The following DNAH2 variants were observed in gnomAD, a reference collection of about 807,000 sequenced individuals.
DNAH2 encodes dynein axonemal heavy chain 2.
Under a neutral mutation model 523.5 loss-of-function variants are expected in DNAH2, and 323 were observed. The observed-to-expected ratio is 0.62, with a 90% confidence interval of 0.56 to 0.68. The LOEUF is 0.68. Ranked by LOEUF, DNAH2 falls within the 30% of genes least tolerant of loss-of-function variation. DNAH2 has a pLI of 0.00. For synonymous variants in DNAH2, 2,093 were observed against 2,177.4 expected (o/e 0.96, Z 1.08); for missense variants, 4,907 against 5,701.5 (o/e 0.86, Z 4.49).
In DNAH2 at chr17:7,831,650, A is replaced by C. The variant is rs372536421; in HGVS notation, c.12612-11A>C. 1.9e-6 allele frequency: 3 copies of C among 1,613,744 alleles called. No individual in the cohort carries two copies. The highest frequency in any genetic ancestry group is 2.5e-6 in the Non-Finnish European group (3 of 1,179,844). On this transcript the variant is annotated splice_polypyrimidine_tract_variant and intron_variant, in intron 81 of 85. Transcript: ENST00000572933. The surrounding 1 kb of genome is among the most constrained non-coding windows in gnomAD (Gnocchi z 4.2). ...CACCTCATCTCTAACACTCCACCTC[A>C]TCCTGCTCAGGTTCTCACTGACAGA...
chr17:7,815,884 C>G (rs1460423989), intron 63 of DNAH2, among the ~76,000 whole-genome samples: 5 of 152,198 alleles, frequency 3.3e-5, no homozygotes, highest in Non-Finnish European at 7.3e-5. Flanking sequence ...AGGGGTTTCT[C>G]TAGTATACAC....
At position 7,770,487 on chromosome 17, in the gene DNAH2, C is replaced by T. The variant is rs930063085; in HGVS notation, c.4099-70C>T. ...GCTCCAGCTGTTCATCATCTGATGG[C>T]GCCTCTCAGCTCCTGTTCCCCTTAG... On this transcript the variant is annotated intron_variant, in intron 25 of 85. Coordinates refer to ENST00000572933, the MANE Select transcript of DNAH2 (RefSeq NM_020877.5). 178 of 1,612,120 alleles carry T rather than the reference C, an allele frequency of 1.1e-4. 1 individual carries two copies. Among genetic ancestry groups the T allele is most frequent in the Non-Finnish European group, 1.3e-4 (159 of 1,178,490 alleles).
Position 7,780,573 on chromosome 17 carries a change from G to GA in DNAH2, c.5851-55dup. ...TTCTTGTCTCTGACTGTCCTGAGAT[G>GA]AAGCAGAGGGATTTGTGGGGAGATG... On this transcript the variant is annotated intron_variant, in intron 37 of 85. Coordinates refer to ENST00000572933, the MANE Select transcript of DNAH2 (RefSeq NM_020877.5). This position sits in a 1 kb window ranked among gnomAD's most constrained non-coding sequence, Gnocchi z 4.4. The GA allele has an allele frequency of 6.2e-7, 1 of 1,602,176 alleles. No homozygotes were observed. The highest frequency in any genetic ancestry group is 8.5e-7 in the Non-Finnish European group (1 of 1,173,726).
intron 44 of DNAH2, among the ~76,000 whole-genome samples, chr17:7,790,341 G>T (rs937429612): frequency 1.3e-5 from 2 of 151,568 alleles, no homozygotes; most frequent in African/African-American, 4.8e-5. Context: ...CAATTCTCCT[G>T]TCTCCTGAGT....
At chr17:7,747,562 C>G (rs138371391) in intron 12 of DNAH2, among the ~76,000 whole-genome samples, 29 of 152,268 alleles carry the variant, frequency 1.9e-4, no homozygotes, top group African/African-American at 6.7e-4. Flanking sequence ...TTAGGATAAA[C>G]CAGGAGACAA....
intron 77 of DNAH2, among the ~76,000 whole-genome samples, chr17:7,827,191 C>G (rs1333417064): frequency 1.3e-5 from 2 of 151,858 alleles, no homozygotes; most frequent in African/African-American, 4.8e-5. Context: ...TGTGGTTTGT[C>G]TCTTCTCTTT....
chr17:7,792,182 G>T, intron 45 of DNAH2, 70 bp from the exon 46 acceptor site: 1 of 1,601,064 alleles, frequency 6.2e-7, no homozygotes, highest in Non-Finnish European at 8.6e-7. Flanking sequence ...CCGGTGGTCT[G>T]GGGCCCGTTC....
rs2077140184 is a variant in DNAH2 at position 7,798,793 on chromosome 17, C to T, written c.8559+75C>T. 12 of 1,536,632 alleles carry T rather than the reference C, an allele frequency of 7.8e-6. No homozygotes were observed. In the South Asian group the frequency reaches 1.3e-4, roughly 17 times the overall value. ...CTGACCCCAGAAGGACCACAGCTCC[C>T]AGAATGTGCCACTGGCACACCCCCA... On this transcript the variant is annotated intron_variant, in intron 55 of 85. Coordinates refer to ENST00000572933, the MANE Select transcript of DNAH2 (RefSeq NM_020877.5). This position sits in a 1 kb window ranked among gnomAD's most constrained non-coding sequence, Gnocchi z 5.5.
rs1002397287 is a variant in DNAH2 at position 7,729,142 on chromosome 17, G to T, written c.399+1850G>T. Among the ~76,000 whole-genome samples, 4 of 151,894 alleles carry T rather than the reference G, an allele frequency of 2.6e-5. 1 individual carries two copies. Among genetic ancestry groups the T allele is most frequent in the African/African-American group, 9.7e-5 (4 of 41,316 alleles). The stretch of plus-strand genomic sequence containing the variant: ...AAACACAAAAAAACCCTGAGAGTAA[G>T]CAAATTTAATCTAATACACTTTAAA... On this transcript the variant is annotated intron_variant, in intron 4 of 85. Transcript: ENST00000572933.
chr17:7,775,959 C>T, intron 30 of DNAH2, 65 bp from the exon 31 acceptor site: 1 of 1,595,658 alleles, frequency 6.3e-7, no homozygotes, highest in Non-Finnish European at 8.6e-7. Flanking sequence ...TAAGTGCCTT[C>T]CCTGTGGAGG....
chr17:7,757,052 C>T (rs530005123), intron 12 of DNAH2, 39 bp from the exon 13 acceptor site: 3 of 1,612,178 alleles, frequency 1.9e-6, no homozygotes, highest in East Asian at 2.2e-5. Context: ...TTTATCCCCT[C>T]GTGCGGTCCC....
rs1280596619 is a variant in DNAH2 at position 7,818,913 on chromosome 17, C to T, written c.10671-6C>T. On this transcript the variant is annotated splice_polypyrimidine_tract_variant and splice_region_variant and intron_variant, in intron 70 of 85. Coordinates refer to ENST00000572933, the MANE Select transcript of DNAH2 (RefSeq NM_020877.5). ...TTGCTCCATGTGCCTCTGGGCCTCCCCCTAGGCTGCTGAATGAGGCCACCG... is the reference window on the plus strand; with the variant it reads ...TTGCTCCATGTGCCTCTGGGCCTCCTCCTAGGCTGCTGAATGAGGCCACCG... The T allele has an allele frequency of 6.2e-7, 1 of 1,611,470 alleles. No homozygotes were observed. The highest frequency in any genetic ancestry group is 8.5e-7 in the Non-Finnish European group (1 of 1,178,804).
chr17:7,793,453 TTCTTTCTTTCTTTCTTTCTTTCTTTC>T (rs2076961274), intron 48 of DNAH2, among the ~76,000 whole-genome samples: 3 of 121,786 alleles, frequency 2.5e-5, no homozygotes, highest in African/African-American at 9.1e-5. Flanking sequence ...TTCTTTTTCT[TTCTTTCTTTCTTTCTTTCTTTCTTTC>T]TTTCTTTCTT....
intron 22 of DNAH2, 44 bp from the exon 23 acceptor site, chr17:7,767,856 G>A: frequency 1.9e-6 from 3 of 1,611,852 alleles, no homozygotes; most frequent in Non-Finnish European, 2.5e-6. Context: ...CAGGGAGGAA[G>A]AGGGCAGGTG....
At chr17:7,775,984 C>T (rs1597619399) in intron 30 of DNAH2, 40 bp from the exon 31 acceptor site, 1 of 1,610,090 alleles carries the variant, frequency 6.2e-7, no homozygotes, top group Non-Finnish European at 8.5e-7. Context: ...TGGCCGTGCC[C>T]CCTCAGGCTG....
intron 13 of DNAH2, among the ~76,000 whole-genome samples, chr17:7,757,961 A>T (rs1338354826): frequency 2.0e-5 from 3 of 152,168 alleles, no homozygotes; most frequent in Non-Finnish European, 4.4e-5. Context: ...TCCTAACACC[A>T]TCACTGTGGG....
In DNAH2 at chr17:7,816,843, A is replaced by G. The variant is rs143743933; in HGVS notation, c.9894+108A>G. On this transcript the variant is annotated intron_variant, in intron 64 of 85. Transcript: ENST00000572933. ...TCAGGGAAAACGGGGACACCTGGGT[A>G]TAGGGAACTCTAAGAACTGAGGCGT... 3.2e-5 allele frequency: 45 copies of G among 1,403,502 alleles called. No individual in the cohort carries two copies. In the African/African-American group the frequency reaches 6.2e-4, roughly 19 times the overall value. The allele number at this position is 1,403,502 out of a possible 1,614,324, so 86.9% of individuals were successfully genotyped here.
chr17:7,750,550 T>A (rs1335206799), intron 12 of DNAH2, among the ~76,000 whole-genome samples: 1 of 152,184 alleles, frequency 6.6e-6, no homozygotes, highest in Non-Finnish European at 1.5e-5. Context: ...TGACAACTGT[T>A]TTCCTGCCCT....
At chr17:7,802,551 T>G (rs1412534535) in intron 58 of DNAH2, among the ~76,000 whole-genome samples, 1 of 152,350 alleles carries the variant, frequency 6.6e-6, no homozygotes, top group Admixed American at 6.5e-5. Flanking sequence ...CTAGATGAGT[T>G]ATAATACCTA....
Sources: allele counts gnomAD v4.1 joint callset (sites outside exome capture counted in the v4.1 genomes callset), GRCh38; gene constraint gnomAD v4.1.1; non-coding constraint Gnocchi (gnomAD v3.1); transcripts MANE v1.5; gene names NCBI Gene and HGNC (gene_info 2026-07-23, HGNC 2026-07-21).